The following MAD1L1 variants were observed in gnomAD, a reference collection of about 807,000 sequenced individuals.
MAD1L1 encodes mitotic spindle assembly checkpoint protein MAD1.
Under a neutral mutation model 96.9 loss-of-function variants are expected in MAD1L1, and 95 were observed. The observed-to-expected ratio is 0.98, with a 90% CI of 0.83 to 1.16. The LOEUF (loss-of-function observed/expected upper bound fraction) is 1.16. Ranked by LOEUF, MAD1L1 falls within the 50% of genes most tolerant of loss-of-function variation. The pLI is 0.00. For missense variants in MAD1L1, 1,007 were observed against 954.4 expected, an observed-to-expected ratio of 1.06 and a Z score of -0.73; for synonymous variants, 473 against 396.6, an observed-to-expected ratio of 1.19 and a Z score of -2.29.
chr7:1,891,572 CA>C (rs566603331), intron 18 of MAD1L1, among the ~76,000 whole-genome samples: 139 of 152,092 alleles, frequency 9.1e-4, no homozygotes, highest in African/African-American at 2.9e-3. Context: ...AAAGTTACAA[CA>C]AACTTTATTC....
intron 10 of MAD1L1, among the ~76,000 whole-genome samples, chr7:2,164,644 T>C (rs1562745667): frequency 6.7e-6 from 1 of 148,406 alleles, no homozygotes; most frequent in Non-Finnish European, 1.5e-5. Flanking sequence ...TTTTTGACAG[T>C]TGCACCAAAA....
chr7:1,976,056 T>G (rs1048034455), intron 15 of MAD1L1, among the ~76,000 whole-genome samples: 2 of 152,248 alleles, frequency 1.3e-5, no homozygotes, highest in African/African-American at 4.8e-5. Flanking sequence ...ACGCTCTCTC[T>G]AGCTTCAGTG....
In MAD1L1 at chr7:1,924,843, G is replaced by A. The variant is rs1026213852; in HGVS notation, c.1807+11844C>T. Among the ~76,000 whole-genome samples, 7 of 152,150 alleles carry A rather than the reference G, an allele frequency of 4.6e-5. 1 individual carries two copies. Among genetic ancestry groups the A allele is most frequent in the South Asian group, 4.2e-4 (2 of 4,812 alleles). ...AGGGAGGCAGGGAGAAGCCTACGTC[G>A]TGGTGAAATCCTGACGTTTCCACCT... On this transcript the variant is annotated intron_variant, in intron 17 of 18. Transcript: ENST00000265854.
At chr7:2,028,590 G>C (rs913840635) in intron 12 of MAD1L1, among the ~76,000 whole-genome samples, 1 of 152,246 alleles carries the variant, frequency 6.6e-6, no homozygotes, top group South Asian at 2.1e-4. Flanking sequence ...TAAAATCTAC[G>C]TGAAGAGGCG....
intron 11 of MAD1L1, among the ~76,000 whole-genome samples, chr7:2,093,307 A>G: frequency 6.6e-6 from 1 of 152,072 alleles, no homozygotes; most frequent in Admixed American, 6.6e-5. Flanking sequence ...TTATGTTTTA[A>G]AAGAATATTT....
At chr7:1,837,636 T>A (rs1488202678) in intron 18 of MAD1L1, among the ~76,000 whole-genome samples, 2 of 152,218 alleles carry the variant, frequency 1.3e-5, no homozygotes, top group Non-Finnish European at 2.9e-5. Context: ...GCAACACGGA[T>A]AAATCTCAAA....
chr7:2,159,344 A>G (rs1014558429), intron 10 of MAD1L1, among the ~76,000 whole-genome samples: 10 of 152,310 alleles, frequency 6.6e-5, no homozygotes, highest in African/African-American at 1.2e-4. Context: ...TCCTCTGCAC[A>G]GCCCTCTTCC....
At chr7:1,969,279 G>T (rs1254705579) in intron 15 of MAD1L1, among the ~76,000 whole-genome samples, 1 of 152,182 alleles carries the variant, frequency 6.6e-6, no homozygotes, top group African/African-American at 2.4e-5. Context: ...AGCTACTCGG[G>T]AGGCTGAGGC....
intron 11 of MAD1L1, among the ~76,000 whole-genome samples, chr7:2,110,868 A>G (rs577316363): frequency 2.6e-5 from 4 of 152,066 alleles, no homozygotes; most frequent in African/African-American, 9.6e-5. Flanking sequence ...AGACCCCACC[A>G]TCTCCCTCAA....
intron 18 of MAD1L1, among the ~76,000 whole-genome samples, chr7:1,844,470 C>T (rs897459489): frequency 6.6e-6 from 1 of 152,110 alleles, no homozygotes; most frequent in Non-Finnish European, 1.5e-5. Context: ...GGACGGCATT[C>T]GAGGTCCCAC....
intron 10 of MAD1L1, among the ~76,000 whole-genome samples, chr7:2,185,702 T>G (rs1291285638): frequency 6.6e-6 from 1 of 152,146 alleles, no homozygotes; most frequent in Non-Finnish European, 1.5e-5. Flanking sequence ...ATTTTAATCC[T>G]GGGAAGCTAG....
In MAD1L1 at chr7:2,142,483, A is replaced by G. The variant is rs1445832461; in HGVS notation, c.1073+6669T>C. Among the ~76,000 whole-genome samples the G allele has an allele frequency of 6.6e-6, 1 of 152,224 alleles. No individual in the cohort carries two copies. The highest frequency in any genetic ancestry group is 2.4e-5 in the African/African-American group (1 of 41,448). ...AGGGGCAGAGGGGGACAGGAGCAGG[A>G]TACAGACAGATCACGCGGGTTCTCT... On this transcript the variant is annotated intron_variant, in intron 11 of 18. Coordinates refer to ENST00000265854, the MANE Select transcript of MAD1L1 (RefSeq NM_001013836.2). The surrounding 1 kb of genome is among the most constrained non-coding windows in gnomAD (Gnocchi z 4.7).
rs527297044 is a variant in MAD1L1, at chr7:1,826,852, C to T, written c.1999-10624G>A. 4.1e-3 allele frequency among the ~76,000 whole-genome samples: 629 copies of T among 152,322 alleles called. 6 individuals are homozygous for T. The highest frequency in any genetic ancestry group is 5.8e-3 in the South Asian group (28 of 4,824). On this transcript the variant is annotated intron_variant, in intron 18 of 18. Coordinates refer to ENST00000265854, the MANE Select transcript of MAD1L1 (RefSeq NM_001013836.2). The stretch of plus-strand genomic sequence containing the variant: ...ATACTGCCTGTGCTAATTATACCAG[C>T]GTTATTGGGGTTTATCTTCCCGGCG...
intron 14 of MAD1L1, among the ~76,000 whole-genome samples, chr7:1,990,400 G>T (rs894987233): frequency 6.6e-6 from 1 of 152,224 alleles, no homozygotes; most frequent in Non-Finnish European, 1.5e-5. Context: ...GCTTCCTAAG[G>T]AGGCCTCGGG....
chr7:2,181,844 C>G (rs1381347672), intron 10 of MAD1L1, among the ~76,000 whole-genome samples: 1 of 152,108 alleles, frequency 6.6e-6, no homozygotes, highest in Admixed American at 6.5e-5. Context: ...GAATACTACT[C>G]AGCCATAAAA....
intron 12 of MAD1L1, among the ~76,000 whole-genome samples, chr7:2,045,308 C>T (rs899485757): frequency 6.6e-6 from 1 of 152,136 alleles, no homozygotes; most frequent in African/African-American, 2.4e-5. Context: ...AGATACCCCA[C>T]GTCCCTATGA....
chr7:2,054,334 G>A (rs1489563409), intron 12 of MAD1L1, among the ~76,000 whole-genome samples: 2 of 152,224 alleles, frequency 1.3e-5, no homozygotes, highest in African/African-American at 4.8e-5. Flanking sequence ...GCTCGGGCTG[G>A]TGGAGGCGGT....
chr7:1,916,318 G>A (rs764421259), intron 17 of MAD1L1, among the ~76,000 whole-genome samples: 11 of 152,164 alleles, frequency 7.2e-5, no homozygotes, highest in Non-Finnish European at 1.2e-4. Context: ...CGTCCACAAC[G>A]TCCACAGCAT....
chr7:2,125,398 T>G (rs771791455), intron 11 of MAD1L1, among the ~76,000 whole-genome samples: 2 of 152,170 alleles, frequency 1.3e-5, no homozygotes, highest in Non-Finnish European at 2.9e-5. Flanking sequence ...GCTGGCCCCA[T>G]GTGTCCCCCG....
Sources: allele counts gnomAD v4.1 joint callset (sites outside exome capture counted in the v4.1 genomes callset), GRCh38; gene constraint gnomAD v4.1.1; non-coding constraint Gnocchi (gnomAD v3.1); transcripts MANE v1.5; gene names NCBI Gene and HGNC (gene_info 2026-07-23, HGNC 2026-07-21).